Variants in ETFA observed in about 807,000 individuals in gnomAD.
ETFA encodes electron transfer flavoprotein subunit alpha, mitochondrial.
Under a neutral mutation model 46.2 loss-of-function variants are expected in ETFA, and 22 were observed. The observed-to-expected ratio is 0.48, with a 90% CI of 0.34 to 0.68. The LOEUF is 0.68. Among genes scored for constraint, ETFA ranks in the 30% least tolerant of loss-of-function variants. The pLI is 0.01. For synonymous variants in ETFA, 131 were observed against 139.9 expected, an observed-to-expected ratio of 0.94 and a Z score of 0.45; for missense variants, 345 against 401.1, an observed-to-expected ratio of 0.86 and a Z score of 1.19.
intron 9 of ETFA, among the ~76,000 whole-genome samples, chr15:76,247,475 T>C (rs1407321973): frequency 6.6e-6 from 1 of 152,232 alleles, no homozygotes; most frequent in Non-Finnish European, 1.5e-5. Flanking sequence ...TAGGATCCAA[T>C]AGTAAGCTCC....
At chr15:76,277,455 T>C (rs1291880015) in intron 8 of ETFA, among the ~76,000 whole-genome samples, 1 of 151,934 alleles carries the variant, frequency 6.6e-6, no homozygotes, top group East Asian at 1.9e-4. Context: ...CACAAAAATG[T>C]TGGGACCTCA....
intron 9 of ETFA, among the ~76,000 whole-genome samples, chr15:76,271,286 G>A (rs2039528609): frequency 6.6e-6 from 1 of 152,232 alleles, no homozygotes; most frequent in African/African-American, 2.4e-5. Flanking sequence ...GGAGAAGTTG[G>A]CACATATTGC....
At chr15:76,226,747 C>T (rs1393563786) in intron 10 of ETFA, among the ~76,000 whole-genome samples, 4 of 152,096 alleles carry the variant, frequency 2.6e-5, no homozygotes, top group South Asian at 4.2e-4. Context: ...GGCGTGGTGG[C>T]GGGCATCTGT....
At chr15:76,274,376 A>C (rs539745891) in intron 9 of ETFA, 36 bp downstream of exon 9, 19 of 1,462,502 alleles carry the variant, frequency 1.3e-5, no homozygotes, top group Middle Eastern at 3.4e-4. Flanking sequence ...TTATCCCCAT[A>C]ACATTTTACA....
intron 9 of ETFA, among the ~76,000 whole-genome samples, chr15:76,271,771 G>GT (rs1278617294): frequency 6.6e-6 from 1 of 152,056 alleles, no homozygotes; most frequent in Non-Finnish European, 1.5e-5. Flanking sequence ...AAAAATATAG[G>GT]TTTTTTGTTC....
chr15:76,228,217 C>T (rs755270358), intron 10 of ETFA: 1 of 353,540 alleles, frequency 2.8e-6, no homozygotes, highest in Non-Finnish European at 5.5e-6. Context: ...GACAGGGTCT[C>T]ATTGTGTTGC....
chr15:76,225,693 G>A (rs2038997219), intron 11 of ETFA, among the ~76,000 whole-genome samples, 156 bp downstream of exon 11: 1 of 152,190 alleles, frequency 6.6e-6, no homozygotes, highest in South Asian at 2.1e-4. Context: ...TTAACTTTAA[G>A]TAGGTCAAAA....
intron 9 of ETFA, among the ~76,000 whole-genome samples, chr15:76,269,912 GCAATT>G (rs1458768401): frequency 6.6e-6 from 1 of 152,096 alleles, no homozygotes; most frequent in Non-Finnish European, 1.5e-5. Context: ...ATGAAAACAA[GCAATT>G]CAACTAAAAA....
At chr15:76,258,941 G>T in intron 9 of ETFA, 1 of 1,324,478 alleles carries the variant, frequency 7.6e-7, no homozygotes, top group Non-Finnish European at 1.1e-6. Context: ...CAGCACAGTG[G>T]CCATCAGAGC....
chr15:76,260,948 G>A (rs112025989), intron 9 of ETFA: 324,571 of 1,576,988 alleles, frequency 0.21, 60 homozygotes, highest in Middle Eastern at 0.23. Context: ...ACTGCAGCAG[G>A]GCTCGGCCAT....
At chr15:76,221,498 A>G (rs569503672) in intron 11 of ETFA, among the ~76,000 whole-genome samples, 62 of 152,360 alleles carry the variant, frequency 4.1e-4, no homozygotes, top group African/African-American at 1.5e-3. Context: ...ATCTCAGTAA[A>G]GCTGTTATAC....
chr15:76,257,447 G>C (rs1263272641), intron 9 of ETFA, among the ~76,000 whole-genome samples: 1 of 152,216 alleles, frequency 6.6e-6, no homozygotes, highest in Non-Finnish European at 1.5e-5. Context: ...TCAGAGAAAT[G>C]CAAATCAAAA....
chr15:76,289,455 T>G (rs1459188425), intron 4 of ETFA, among the ~76,000 whole-genome samples: 1 of 152,210 alleles, frequency 6.6e-6, no homozygotes, highest in Non-Finnish European at 1.5e-5. Flanking sequence ...TTAATGTCTT[T>G]TGTATTTTCA....
intron 11 of ETFA, among the ~76,000 whole-genome samples, chr15:76,223,262 G>T (rs2038975049): frequency 7.5e-6 from 1 of 132,906 alleles, no homozygotes. Flanking sequence ...CTGTTGCCTA[G>T]GCTGGAGTCC....
chr15:76,231,425 A>G (rs1164881981), intron 9 of ETFA, 27 bp from the exon 10 acceptor site: 5 of 1,330,062 alleles, frequency 3.8e-6, no homozygotes, highest in Non-Finnish European at 5.3e-6. Context: ...CACATTATTA[A>G]TATGTATTTA....
intron 9 of ETFA, chr15:76,274,204 T>C: frequency 1.8e-6 from 1 of 566,626 alleles, no homozygotes. Context: ...TTAAAATACT[T>C]GAATAATAAG....
At chr15:76,245,295 T>A (rs1411157701) in intron 9 of ETFA, 1 of 152,204 alleles carries the variant, frequency 6.6e-6, no homozygotes, top group Non-Finnish European at 1.5e-5. Context: ...CACTCACATA[T>A]GAATATTTTA....
At chr15:76,245,864 C>T (rs1350361911) in intron 9 of ETFA, among the ~76,000 whole-genome samples, 1 of 152,184 alleles carries the variant, frequency 6.6e-6, no homozygotes, top group Non-Finnish European at 1.5e-5. Flanking sequence ...ATGGAAACTA[C>T]CACCAAATAC....
intron 1 of ETFA, among the ~76,000 whole-genome samples, chr15:76,308,729 C>T (rs2039960391): frequency 6.6e-6 from 1 of 152,200 alleles, no homozygotes; most frequent in Admixed American, 6.5e-5. Flanking sequence ...AATGGGACAA[C>T]TGGCAAAATT....
Sources: gnomAD v4.1 joint callset for allele counts (sites outside exome capture counted in the v4.1 genomes callset) on GRCh38, gnomAD v4.1.1 for gene constraint, MANE v1.5 for transcripts, NCBI Gene and HGNC (gene_info 2026-07-23, HGNC 2026-07-21) for gene names.